PLCXD3: variants seen among roughly 807,000 people sequenced by gnomAD.
PLCXD3 encodes PI-PLC X domain-containing protein 3.
In PLCXD3, 19 loss-of-function variants were observed where a neutral mutation model predicts 25.5. The observed-to-expected ratio is 0.75, with a 90% CI of 0.52 to 1.09. The LOEUF (loss-of-function observed/expected upper bound fraction) is 1.09. PLCXD3 is among the 50% of genes least tolerant of loss of function. The pLI is 0.00. For missense variants in PLCXD3, 411 were observed against 388.1 expected (o/e 1.06, Z -0.50); for synonymous variants, 174 against 137.6 (o/e 1.26, Z -1.85).
At chr5:41,481,612 T>C (rs1418546919) in intron 1 of PLCXD3, among the ~76,000 whole-genome samples, 1 of 152,222 alleles carries the variant, frequency 6.6e-6, no homozygotes, top group Non-Finnish European at 1.5e-5. Flanking sequence ...TCTTCTGAAA[T>C]TATCCCAGTC....
At chr5:41,377,620 G>A (rs1745335726) in intron 2 of PLCXD3, among the ~76,000 whole-genome samples, 1 of 152,058 alleles carries the variant, frequency 6.6e-6, no homozygotes, top group African/African-American at 2.4e-5. Context: ...ATAAAAATCT[G>A]TGTCTTTTGG....
rs1025078635 is a variant in PLCXD3, at chr5:41,421,727, A to G, written c.104-39193T>C. Reference sequence around the variant, plus strand: ...AAAAAACAAAACAAAACAAACAAACAAACAAAAAAGCTCTTTGGTAGAATT... The same window carrying G: ...AAAAAACAAAACAAAACAAACAAACGAACAAAAAAGCTCTTTGGTAGAATT... On this transcript the variant is annotated intron_variant, in intron 1 of 2. Transcript: ENST00000377801. 4.2e-4 allele frequency among the ~76,000 whole-genome samples: 64 copies of G among 152,140 alleles called. 1 individual carries two copies. Among genetic ancestry groups the G allele is most frequent in the Middle Eastern group, 3.4e-3 (1 of 294 alleles).
At chr5:41,340,051 C>T (rs919335358) in intron 2 of PLCXD3, among the ~76,000 whole-genome samples, 1 of 152,128 alleles carries the variant, frequency 6.6e-6, no homozygotes, top group Non-Finnish European at 1.5e-5. Context: ...TTTCTGGAAT[C>T]TCAGTTAACC....
chr5:41,340,171 G>A (rs1372441644), intron 2 of PLCXD3, among the ~76,000 whole-genome samples: 2 of 152,132 alleles, frequency 1.3e-5, no homozygotes, highest in Non-Finnish European at 2.9e-5. Context: ...ATAATCAGGA[G>A]CAGTTTTATT....
intron 1 of PLCXD3, among the ~76,000 whole-genome samples, chr5:41,432,781 T>C (rs1747148664): frequency 6.6e-6 from 1 of 152,206 alleles, no homozygotes; most frequent in South Asian, 2.1e-4. Context: ...GGTCAACCAA[T>C]CTTTTGCCTC....
At chr5:41,439,473 TG>T (rs899140296) in intron 1 of PLCXD3, among the ~76,000 whole-genome samples, 25 of 151,498 alleles carry the variant, frequency 1.7e-4, no homozygotes, top group African/African-American at 4.8e-4. Flanking sequence ...TCTTTTTAAA[TG>T]TTTTTTTTTT....
chr5:41,323,139 G>A (rs941829932), intron 2 of PLCXD3, among the ~76,000 whole-genome samples: 6 of 152,166 alleles, frequency 3.9e-5, no homozygotes, highest in African/African-American at 1.4e-4. Flanking sequence ...AATATCACAC[G>A]TTGTCACTTA....
intron 1 of PLCXD3, among the ~76,000 whole-genome samples, chr5:41,462,929 G>A (rs991205630): frequency 9.9e-5 from 15 of 151,998 alleles, no homozygotes; most frequent in African/African-American, 2.9e-4. Context: ...AGTAGAATGA[G>A]AGGGCACCAG....
Position 41,349,246 on chromosome 5 carries a change from G to A in PLCXD3, c.812+32580C>T, listed in dbSNP as rs1174931621. Among the ~76,000 whole-genome samples the A allele has an allele frequency of 4.6e-5, 7 of 152,256 alleles. No individual in the cohort carries two copies. In the South Asian group the frequency reaches 1.2e-3, roughly 27 times the overall value. On this transcript the variant is annotated intron_variant, in intron 2 of 2. Transcript: ENST00000377801. The stretch of plus-strand genomic sequence containing the variant: ...GCAAGATTTATTTCTTAAAAGGATG[G>A]CTGCACTTATTAGAGGTTGTTAGGA...
chr5:41,497,627 A>G (rs1221405481), intron 1 of PLCXD3, among the ~76,000 whole-genome samples: 1 of 151,938 alleles, frequency 6.6e-6, no homozygotes, highest in Non-Finnish European at 1.5e-5. Flanking sequence ...TTAATCATCC[A>G]GACAGAAAAT....
In PLCXD3 at chr5:41,313,276, G is replaced by C; in HGVS notation, c.*341C>G. ...GCAGAAAGGTTGCAGGGTATAGACAGCGTAGGAGTCATAGGCTGGAAATAG... is the reference window on the plus strand; with the variant it reads ...GCAGAAAGGTTGCAGGGTATAGACACCGTAGGAGTCATAGGCTGGAAATAG... On this transcript the variant is annotated 3_prime_UTR_variant, in exon 3 of 3. Coordinates refer to ENST00000377801, the MANE Select transcript of PLCXD3 (RefSeq NM_001005473.3). 4.2e-6 allele frequency: 1 copy of C among 239,558 alleles called. No homozygotes were observed. Among genetic ancestry groups the C allele is most frequent in the Middle Eastern group, 1.5e-3 (1 of 650 alleles). The allele number at this position is 239,558 out of a possible 1,614,324, so 14.8% of individuals were successfully genotyped here.
chr5:41,503,722 G>T (rs1749000266), intron 1 of PLCXD3, among the ~76,000 whole-genome samples: 1 of 151,852 alleles, frequency 6.6e-6, no homozygotes, highest in Middle Eastern at 3.4e-3. Context: ...CAATTTTTTG[G>T]TCCCCACTCT....
At chr5:41,469,573 C>T (rs1321052324) in intron 1 of PLCXD3, among the ~76,000 whole-genome samples, 5 of 150,798 alleles carry the variant, frequency 3.3e-5, no homozygotes, top group African/African-American at 1.2e-4. Context: ...TTTCATGATT[C>T]AGTCTTAGTA....
intron 1 of PLCXD3, among the ~76,000 whole-genome samples, chr5:41,489,941 A>G (rs10054758): frequency 0.11 from 16,182 of 151,470 alleles, 1,234 homozygotes; most frequent in African/African-American, 0.22. Flanking sequence ...TCTCCTGCCT[A>G]ATTGCCCTGG....
At chr5:41,424,909 C>G (rs528699658) in intron 1 of PLCXD3, among the ~76,000 whole-genome samples, 56 of 152,158 alleles carry the variant, frequency 3.7e-4, no homozygotes, top group African/African-American at 1.3e-3. Flanking sequence ...ATCATACATA[C>G]CCTTACTAAT....
rs371864804 is a variant in PLCXD3, at chr5:41,483,754, A to T, written c.103+26670T>A. On this transcript the variant is annotated intron_variant, in intron 1 of 2. Coordinates refer to ENST00000377801, the MANE Select transcript of PLCXD3 (RefSeq NM_001005473.3). ...ACTATTAAAAAACAAATGTTTAAAA[A>T]ATATGACAATATTTCAGTCTTAAAA... is the stretch of plus-strand genomic sequence containing the variant. Among the ~76,000 whole-genome samples, 96 of 152,278 alleles carry T rather than the reference A, an allele frequency of 6.3e-4. 1 individual carries two copies. Among genetic ancestry groups the T allele is most frequent in the Middle Eastern group, 3.4e-3 (1 of 294 alleles).
chr5:41,426,696 T>C (rs529729255), intron 1 of PLCXD3, among the ~76,000 whole-genome samples: 2 of 152,262 alleles, frequency 1.3e-5, no homozygotes, highest in South Asian at 2.1e-4. Context: ...TATCAAGCTT[T>C]ACAGTTCATA....
At chr5:41,510,072 A>T (rs897009842) in intron 1 of PLCXD3, among the ~76,000 whole-genome samples, 1 of 152,166 alleles carries the variant, frequency 6.6e-6, no homozygotes, top group Non-Finnish European at 1.5e-5. Context: ...CCGCAGACCC[A>T]GAGATTTCTC....
intron 1 of PLCXD3, among the ~76,000 whole-genome samples, chr5:41,405,273 A>T (rs1483301131): frequency 1.3e-5 from 2 of 152,140 alleles, no homozygotes; most frequent in Non-Finnish European, 2.9e-5. Flanking sequence ...CCATGGGAAG[A>T]GATGGAATTC....
Sources: gnomAD v4.1 joint callset for allele counts (sites outside exome capture counted in the v4.1 genomes callset) on GRCh38, gnomAD v4.1.1 for gene constraint, MANE v1.5 for transcripts, NCBI Gene and HGNC (gene_info 2026-07-23, HGNC 2026-07-21) for gene names.